The following ZCWPW2 variants were observed in gnomAD, a reference collection of about 807,000 sequenced individuals.
The protein encoded by ZCWPW2 is zinc finger CW-type PWWP domain protein 2.
In ZCWPW2, 45 loss-of-function variants were observed where a neutral mutation model predicts 46.6. The ratio of observed to expected loss-of-function variants is 0.96; its 90% CI spans 0.76 to 1.24. The LOEUF (loss-of-function observed/expected upper bound fraction) is 1.24, where lower values mean the gene tolerates loss of function less well. Ranked by LOEUF, ZCWPW2 falls within the 50% of genes most tolerant of loss-of-function variation. The probability of loss-of-function intolerance (pLI) is 0.00; values close to 1 mark genes in which losing one functional copy is unlikely to be tolerated. For missense variants in ZCWPW2, 429 were observed against 403.9 expected (o/e 1.06, Z -0.53); for synonymous variants, 152 against 137.1 (o/e 1.11, Z -0.76).
chr3:28,379,142 A>T (rs951247215), intron 1 of ZCWPW2, among the ~76,000 whole-genome samples: 6 of 152,176 alleles, frequency 3.9e-5, no homozygotes, highest in Non-Finnish European at 5.9e-5. Flanking sequence ...CAAACCCTCA[A>T]GAAAAAGTTC....
intron 1 of ZCWPW2, among the ~76,000 whole-genome samples, chr3:28,350,975 A>AT (rs1318265102): frequency 2.0e-5 from 3 of 151,458 alleles, no homozygotes; most frequent in African/African-American, 7.3e-5. Flanking sequence ...TTGCTTAGGG[A>AT]TTTTTTTCAG....
At chr3:28,443,657 G>A (rs1317970529) in intron 4 of ZCWPW2, among the ~76,000 whole-genome samples, 1 of 152,150 alleles carries the variant, frequency 6.6e-6, no homozygotes, top group Non-Finnish European at 1.5e-5. Flanking sequence ...GCCTTTAATG[G>A]TTGAGTATCA....
At chr3:28,383,172 T>C (rs750783018) in intron 1 of ZCWPW2, among the ~76,000 whole-genome samples, 2 of 152,122 alleles carry the variant, frequency 1.3e-5, no homozygotes, top group Non-Finnish European at 2.9e-5. Context: ...ATAAGGTGTT[T>C]AATTTATATA....
chr3:28,494,903 A>G (rs1293951030), intron 6 of ZCWPW2, among the ~76,000 whole-genome samples: 1 of 147,310 alleles, frequency 6.8e-6, no homozygotes, highest in Non-Finnish European at 1.5e-5. Context: ...GGAGAACTAC[A>G]AACCACTGCT....
intron 6 of ZCWPW2, chr3:28,511,002 G>A (rs996467084): frequency 4.4e-6 from 2 of 453,590 alleles, no homozygotes; most frequent in Non-Finnish European, 8.9e-6. Flanking sequence ...TCTGGAACTT[G>A]TAGCCTTTTC....
intron 4 of ZCWPW2, among the ~76,000 whole-genome samples, chr3:28,458,694 A>C (rs1698515108): frequency 6.6e-6 from 1 of 152,214 alleles, no homozygotes; most frequent in Non-Finnish European, 1.5e-5. Flanking sequence ...CAAATTCATA[A>C]TAAGCTATCA....
At chr3:28,360,065 A>G (rs1233588933) in intron 1 of ZCWPW2, among the ~76,000 whole-genome samples, 1 of 152,118 alleles carries the variant, frequency 6.6e-6, no homozygotes, top group Admixed American at 6.6e-5. Context: ...AAGAAAAATC[A>G]TTGTGTACTG....
intron 4 of ZCWPW2, among the ~76,000 whole-genome samples, chr3:28,467,438 TG>T (rs1178621941): frequency 6.7e-6 from 1 of 150,042 alleles, no homozygotes; most frequent in Non-Finnish European, 1.5e-5. Flanking sequence ...AAAATATAAA[TG>T]GCTTTTAAAA....
At chr3:28,499,604 G>A (rs1317474884) in intron 6 of ZCWPW2, among the ~76,000 whole-genome samples, 4 of 151,972 alleles carry the variant, frequency 2.6e-5, no homozygotes, top group Non-Finnish European at 4.4e-5. Context: ...TAGGTTGCCC[G>A]TTCACTCTAA....
At chr3:28,377,776 A>G (rs140174462) in intron 1 of ZCWPW2, among the ~76,000 whole-genome samples, 130 of 152,214 alleles carry the variant, frequency 8.5e-4, no homozygotes, top group East Asian at 7.9e-3. Context: ...TTTTATTCTT[A>G]CAAGTCTTAA....
intron 1 of ZCWPW2, among the ~76,000 whole-genome samples, chr3:28,351,042 T>G (rs1704530464): frequency 6.6e-6 from 1 of 151,664 alleles, no homozygotes; most frequent in African/African-American, 2.4e-5. Context: ...AAAAGCTGTG[T>G]CCAAGGCCAA....
chr3:28,453,273 G>A (rs185892652), intron 4 of ZCWPW2, among the ~76,000 whole-genome samples: 51 of 152,142 alleles, frequency 3.4e-4, no homozygotes, highest in Non-Finnish European at 5.7e-4. Flanking sequence ...TGCTGACTTC[G>A]CAGCACCAAC....
chr3:28,390,523 C>G lies in ZCWPW2; in HGVS notation c.-108C>G. 1.0e-6 allele frequency: 1 copy of G among 985,348 alleles called. No homozygotes were observed. The highest frequency in any genetic ancestry group is 4.7e-5 in the South Asian group (1 of 21,280). 61.0% of individuals were successfully genotyped at this position (985,348 alleles called of 1,614,324 possible). ...ATTCATCCCAGTAGAACGCCTGCCT[C>G]TTTAGTGACTACAGACCTCACTTCC... On this transcript the variant is annotated 5_prime_UTR_variant, in exon 2 of 10. Coordinates refer to ENST00000383768, the MANE Select transcript of ZCWPW2 (RefSeq NM_001040432.4).
chr3:28,488,626 T>C (rs1699689943), intron 5 of ZCWPW2, among the ~76,000 whole-genome samples: 1 of 152,204 alleles, frequency 6.6e-6, no homozygotes, highest in African/African-American at 2.4e-5. Flanking sequence ...CAATAACATC[T>C]GTTCTGGGTC....
rs1704392642 is a variant in ZCWPW2 at position 28,348,823 on chromosome 3, A to AGGGACGAGCCGAGGCAGGAG, written c.-510_-491dup. 1 of 388,898 alleles carries AGGGACGAGCCGAGGCAGGAG rather than the reference A, an allele frequency of 2.6e-6. No individual in the cohort carries two copies. The highest frequency in any genetic ancestry group is 1.0e-4 in the South Asian group (1 of 9,656). 24.1% of individuals were successfully genotyped at this position (388,898 alleles called of 1,614,324 possible). A position where few individuals can be genotyped will look rare whatever the true frequency, so the allele number is the denominator to read the frequency against. Reference sequence around the variant, plus strand: ...CAGGAGCCCGGGACGTTCTGGAAGGAGGGACGAGCCGAGGCAGGAGGGGCC... The same window carrying AGGGACGAGCCGAGGCAGGAG: ...CAGGAGCCCGGGACGTTCTGGAAGGAGGGACGAGCCGAGGCAGGAGGGGACGAGCCGAGGCAGGAGGGGCC... On this transcript the variant is annotated 5_prime_UTR_variant, in exon 1 of 10. Transcript: ENST00000383768.
At position 28,380,975 on chromosome 3, in the gene ZCWPW2, GTATA is replaced by G. The variant is rs373040439; in HGVS notation, c.-133-9505_-133-9502del. On this transcript the variant is annotated intron_variant, in intron 1 of 9. Coordinates refer to ENST00000383768, the MANE Select transcript of ZCWPW2 (RefSeq NM_001040432.4). The stretch of plus-strand genomic sequence containing the variant: ...ATATATATATATATATATATATTTG[GTATA>G]TATATATATATATATATTTGGTATA... 1.8e-3 allele frequency among the ~76,000 whole-genome samples: 12 copies of G among 6,732 alleles called. 3 individuals are homozygous for G. The highest frequency in any genetic ancestry group is 2.9e-3 in the Non-Finnish European group (8 of 2,726). 4.4% of individuals were successfully genotyped at this position (6,732 alleles called of 152,430 possible).
rs563807087 is a variant in ZCWPW2 at position 28,512,879 on chromosome 3, T to C, written c.658-1185T>C. On this transcript the variant is annotated intron_variant, in intron 6 of 9. Transcript: ENST00000383768. ...TTTCTAATCCATTTTAACCCTTTAA[T>C]AACTTAAATACTTATTTTTAATTTA... is the stretch of plus-strand genomic sequence containing the variant. Among the ~76,000 whole-genome samples, 60 of 151,746 alleles carry C rather than the reference T, an allele frequency of 4.0e-4. 1 individual carries two copies. The highest frequency in any genetic ancestry group is 1.4e-3 in the African/African-American group (59 of 41,054).
chr3:28,371,520 A>G (rs937582288), intron 1 of ZCWPW2, among the ~76,000 whole-genome samples: 1 of 152,114 alleles, frequency 6.6e-6, no homozygotes, highest in Non-Finnish European at 1.5e-5. Flanking sequence ...TCAGCTTGGT[A>G]TAGTGGCTCA....
chr3:28,456,534 C>G (rs1322737737), intron 4 of ZCWPW2, among the ~76,000 whole-genome samples: 1 of 152,114 alleles, frequency 6.6e-6, no homozygotes, highest in Non-Finnish European at 1.5e-5. Context: ...ATGAGAGAGG[C>G]AATCCTTATC....
Sources: allele counts gnomAD v4.1 joint callset (sites outside exome capture counted in the v4.1 genomes callset), GRCh38; gene constraint gnomAD v4.1.1; transcripts MANE v1.5; gene names NCBI Gene and HGNC (gene_info 2026-07-23, HGNC 2026-07-21).